Variants in ANO4 observed in about 807,000 individuals in gnomAD.
The protein encoded by ANO4 is anoctamin-4.
ANO4 carries 69 observed loss-of-function variants against 141.9 expected under a neutral mutation model. The observed-to-expected ratio is 0.49, with a 90% CI of 0.40 to 0.59. The LOEUF (loss-of-function observed/expected upper bound fraction) is 0.59, where lower values mean the gene tolerates loss of function less well. Among genes scored for constraint, ANO4 ranks in the 20% least tolerant of loss-of-function variants. ANO4 has a pLI of 0.00. For missense variants in ANO4, 894 were observed against 1,162.2 expected, an observed-to-expected ratio of 0.77 and a Z score of 3.36; for synonymous variants, 350 against 394.3, an observed-to-expected ratio of 0.89 and a Z score of 1.33.
chr12:100,743,851 C>T (rs2031981067), intron 3 of ANO4, among the ~76,000 whole-genome samples: 1 of 152,104 alleles, frequency 6.6e-6, no homozygotes, highest in South Asian at 2.1e-4. Context: ...GTTTTTTAAT[C>T]CTCACCCTCC....
chr12:100,982,027 G>A (rs143612872), intron 7 of ANO4, among the ~76,000 whole-genome samples: 94 of 152,206 alleles, frequency 6.2e-4, no homozygotes, highest in Non-Finnish European at 1.1e-3. Flanking sequence ...CTCTTCCCAG[G>A]TACCCGGAAT....
At chr12:101,023,345 G>C (rs544412215) in intron 9 of ANO4, among the ~76,000 whole-genome samples, 4 of 152,278 alleles carry the variant, frequency 2.6e-5, no homozygotes, top group African/African-American at 7.2e-5. Flanking sequence ...ATGAAATAAG[G>C]AGTTTTCTAT....
intron 3 of ANO4, among the ~76,000 whole-genome samples, chr12:100,766,808 GTGT>G (rs2135541064): frequency 6.6e-6 from 1 of 152,178 alleles, no homozygotes; most frequent in East Asian, 1.9e-4. Context: ...TAAAAATGGG[GTGT>G]TGAAGTCTTC....
intron 14 of ANO4, among the ~76,000 whole-genome samples, chr12:101,055,734 T>C (rs1288843377): frequency 6.6e-6 from 1 of 152,166 alleles, no homozygotes; most frequent in Non-Finnish European, 1.5e-5. Flanking sequence ...ATGAAATCTT[T>C]GCCAAACTCA....
intron 24 of ANO4, among the ~76,000 whole-genome samples, chr12:101,114,443 A>G (rs1191796003): frequency 4.6e-5 from 7 of 152,012 alleles, no homozygotes. Flanking sequence ...ACTCAGGAGT[A>G]ACCACCCTCT....
chr12:101,031,039 T>C (rs577477532), intron 9 of ANO4, among the ~76,000 whole-genome samples: 1 of 152,310 alleles, frequency 6.6e-6, no homozygotes, highest in East Asian at 1.9e-4. Context: ...CTTCTGAAAC[T>C]ATTCCAAACA....
At chr12:100,926,420 A>C (rs1021003630) in intron 3 of ANO4, among the ~76,000 whole-genome samples, 3 of 152,128 alleles carry the variant, frequency 2.0e-5, no homozygotes, top group African/African-American at 7.2e-5. Flanking sequence ...CTTGCCTGTC[A>C]TGTGTCAGGT....
At chr12:100,939,088 G>A (rs190751857) in intron 3 of ANO4, among the ~76,000 whole-genome samples, 20 of 152,252 alleles carry the variant, frequency 1.3e-4, no homozygotes. Context: ...CATTACGGAT[G>A]TACTTTGCTT....
At chr12:101,010,238 G>T (rs1192526784) in intron 8 of ANO4, among the ~76,000 whole-genome samples, 1 of 152,096 alleles carries the variant, frequency 6.6e-6, no homozygotes, top group Non-Finnish European at 1.5e-5. Flanking sequence ...GAGAGAGACA[G>T]AAAAATTGTA....
chr12:100,806,048 T>C (rs561219700), intron 1 of ANO4, among the ~76,000 whole-genome samples: 1 of 152,294 alleles, frequency 6.6e-6, no homozygotes, highest in Non-Finnish European at 1.5e-5. Context: ...GGATGAAGGC[T>C]CCTTAGGTGG....
intron 26 of ANO4, among the ~76,000 whole-genome samples, chr12:101,125,684 T>G (rs534066329): frequency 1.6e-4 from 25 of 152,344 alleles, no homozygotes; most frequent in African/African-American, 5.3e-4. Context: ...TTACTTATGC[T>G]TATGTGATGT....
intron 3 of ANO4, among the ~76,000 whole-genome samples, chr12:100,779,400 C>T (rs1234088212): frequency 1.3e-5 from 2 of 152,322 alleles, no homozygotes; most frequent in East Asian, 3.9e-4. Context: ...AGCTTGCAGC[C>T]AGCAAAGGAA....
chr12:100,802,579 G>A (rs1174580350), intron 1 of ANO4, among the ~76,000 whole-genome samples: 3 of 152,200 alleles, frequency 2.0e-5, no homozygotes, highest in South Asian at 4.1e-4. Context: ...TGCTTGTGGA[G>A]TGAGAGATGA....
intron 2 of ANO4, among the ~76,000 whole-genome samples, chr12:100,905,293 A>G (rs2040789713): frequency 6.6e-6 from 1 of 152,144 alleles, no homozygotes; most frequent in African/African-American, 2.4e-5. Flanking sequence ...AAGAAGTATA[A>G]ATGGGGAAGG....
At chr12:101,068,649 G>A in intron 14 of ANO4, 1 of 1,326,506 alleles carries the variant, frequency 7.5e-7, no homozygotes, top group Non-Finnish European at 1.1e-6. Context: ...ACTTCTTTGA[G>A]CAAGAGAATG....
At chr12:100,991,726 G>GAAA (rs2045117669) in intron 8 of ANO4, among the ~76,000 whole-genome samples, 1 of 151,982 alleles carries the variant, frequency 6.6e-6, no homozygotes, top group African/African-American at 2.4e-5. Flanking sequence ...GAGACTCCTT[G>GAAA]AAAGACTATG....
chr12:100,942,587 A>G, intron 5 of ANO4, 52 bp downstream of exon 5: 1 of 1,542,198 alleles, frequency 6.5e-7, no homozygotes, highest in Non-Finnish European at 8.8e-7. Flanking sequence ...TATTCATATG[A>G]AGAGGCAATA....
At chr12:100,860,327 A>G (rs1233972870) in intron 1 of ANO4, among the ~76,000 whole-genome samples, 2 of 152,138 alleles carry the variant, frequency 1.3e-5, no homozygotes, top group Non-Finnish European at 2.9e-5. Flanking sequence ...GAAGAGTTTC[A>G]TTTGGTTTTA....
At chr12:100,959,523 A>G (rs1264407956) in intron 5 of ANO4, among the ~76,000 whole-genome samples, 2 of 152,138 alleles carry the variant, frequency 1.3e-5, no homozygotes, top group Non-Finnish European at 2.9e-5. Flanking sequence ...TCTGTTTTCA[A>G]ACTTCTCAGT....
Sources: allele counts gnomAD v4.1 joint callset (sites outside exome capture counted in the v4.1 genomes callset), GRCh38; gene constraint gnomAD v4.1.1; transcripts MANE v1.5; gene names NCBI Gene and HGNC (gene_info 2026-07-23, HGNC 2026-07-21).